Variants in SETX observed in about 807,000 individuals in gnomAD.
SETX encodes the protein senataxin, also known as helicase senataxin.
A neutral mutation model predicts 227.2 loss-of-function variants in SETX; 90 were observed. That is an observed-to-expected ratio of 0.40 (90% CI 0.33 to 0.47). The LOEUF is 0.47. SETX is among the 20% of genes least tolerant of loss of function. The probability of loss-of-function intolerance (pLI) is 0.91; values close to 1 mark genes in which losing one functional copy is unlikely to be tolerated. For synonymous variants in SETX, 1,210 were observed against 1,113.2 expected (o/e 1.09, Z -1.73); for missense variants, 3,052 against 3,181.5 (o/e 0.96, Z 0.98).
chr9:132,353,531 C>A (rs1175431034), intron 2 of SETX, 118 bp downstream of exon 2: 1 of 152,072 alleles, frequency 6.6e-6, no homozygotes, highest in East Asian at 1.9e-4. Flanking sequence ...CCGACCCGTC[C>A]TCTCTTCCAG....
intron 25 of SETX, among the ~76,000 whole-genome samples, chr9:132,265,514 G>A (rs1276010548): frequency 1.3e-5 from 2 of 152,084 alleles, no homozygotes; most frequent in African/African-American, 2.4e-5. Context: ...AGGAGCCACC[G>A]TGCCTGGCCG....
intron 13 of SETX, 73 bp from the exon 14 acceptor site, chr9:132,297,127 A>G: frequency 1.5e-6 from 2 of 1,317,346 alleles, no homozygotes; most frequent in East Asian, 2.5e-5. Flanking sequence ...AACATGAAAA[A>G]GACCTGTCCA....
At chr9:132,271,638 G>T in intron 24 of SETX, 72 bp downstream of exon 24, 1 of 1,229,798 alleles carries the variant, frequency 8.1e-7, no homozygotes, top group South Asian at 1.2e-5. Flanking sequence ...CAGTGATAAT[G>T]AACCTAATCC....
At chr9:132,342,246 G>A (rs776675094) in intron 5 of SETX, among the ~76,000 whole-genome samples, 15 of 152,104 alleles carry the variant, frequency 9.9e-5, no homozygotes, top group Non-Finnish European at 1.9e-4. Flanking sequence ...CCTGCTCACT[G>A]TTCTGGATTT....
chr9:132,319,828 C>A (rs369448925), intron 10 of SETX, among the ~76,000 whole-genome samples: 107 of 152,296 alleles, frequency 7.0e-4, no homozygotes, highest in African/African-American at 2.5e-3. Flanking sequence ...CCCTACTGGG[C>A]ACTGAGAATC....
At chr9:132,307,251 C>T (rs1457872898) in intron 11 of SETX, among the ~76,000 whole-genome samples, 4 of 151,650 alleles carry the variant, frequency 2.6e-5, no homozygotes, top group East Asian at 3.9e-4. Flanking sequence ...AAGACTCTGT[C>T]TCAAAAAAAT....
chr9:132,347,822 T>TA (rs1014412623), intron 3 of SETX, among the ~76,000 whole-genome samples: 3 of 152,152 alleles, frequency 2.0e-5, no homozygotes, highest in Non-Finnish European at 4.4e-5. Context: ...TAGAAAACTT[T>TA]ATAAAGTGCA....
chr9:132,350,317 T>G (rs759459893), intron 2 of SETX, among the ~76,000 whole-genome samples: 7 of 152,024 alleles, frequency 4.6e-5, no homozygotes, highest in Non-Finnish European at 1.0e-4. Context: ...GCCACTGCAC[T>G]CCAGCCTGGG....
At chr9:132,333,544 A>C (rs1432438735) in intron 7 of SETX, among the ~76,000 whole-genome samples, 1 of 151,834 alleles carries the variant, frequency 6.6e-6, no homozygotes, top group African/African-American at 2.4e-5. Flanking sequence ...AGTTGCATGA[A>C]GAGAATGAGG....
rs565155387 is a variant in SETX at position 132,266,090 on chromosome 9, T to C, written c.7288-1105A>G. On this transcript the variant is annotated intron_variant, in intron 25 of 25. Coordinates refer to ENST00000224140, the MANE Select transcript of SETX (RefSeq NM_015046.7). The stretch of plus-strand genomic sequence containing the variant: ...ACAACCACTAGAATTCGGGTCTCTT[T>C]AGAAAGAAGAAAGAAAAGAAGAAAA... The C allele has an allele frequency of 3.3e-5, 5 of 152,340 alleles. No individual in the cohort carries two copies. In the East Asian group the frequency reaches 9.6e-4, roughly 29 times the overall value. 9.4% of individuals were successfully genotyped at this position (152,340 alleles called of 1,614,324 possible).
chr9:132,287,791 T>C (rs1234314213), intron 17 of SETX, among the ~76,000 whole-genome samples: 1 of 132,448 alleles, frequency 7.6e-6, no homozygotes, highest in African/African-American at 3.0e-5. Flanking sequence ...CAGAAAGAAA[T>C]GTGTTAATCT....
chr9:132,271,686 A>G (rs779020712), intron 24 of SETX, 24 bp downstream of exon 24: 26 of 1,569,608 alleles, frequency 1.7e-5, no homozygotes, highest in Non-Finnish European at 2.0e-5. Context: ...CAAGTATAAA[A>G]GAGCAACAAT....
chr9:132,296,925 T>C lies in SETX; in HGVS notation c.5911A>G (p.Lys1971Glu), dbSNP rs775613908. 13 of 1,614,058 alleles carry C rather than the reference T, an allele frequency of 8.1e-6. No homozygotes were observed. Among genetic ancestry groups the C allele is most frequent in the Non-Finnish European group, 1.1e-5 (13 of 1,180,036 alleles). The stretch of plus-strand genomic sequence containing the variant: ...CGATAGAGGAGGCCAACAATAGTTT[T>C]TGATTTTCCTGTTCCAGGTGGTCCA... ...IHGPPGTGKS[K>E]TIVGLLYRLL... Residue 1971 changes from lysine to glutamate, a missense_variant, in exon 14 of 26, where the codon AAA becomes GAA. Coordinates refer to ENST00000224140, the MANE Select transcript of SETX (RefSeq NM_015046.7).
Position 132,298,089 on chromosome 9 carries a change from A to T in SETX, c.5772T>A (p.Ser1924=). The T allele has an allele frequency of 6.2e-7, 1 of 1,610,256 alleles. No homozygotes were observed. The highest frequency in any genetic ancestry group is 1.7e-5 in the Admixed American group (1 of 60,002). ...ATACATCATCACTCACAATTCTCTC[A>T]GATGTTGTAGTCAGTAAATCTTTTG... ...FCTKDLLTTT[S]ERIIAYLRDF... Residue 1924 remains serine, a synonymous_variant, in exon 13 of 26, where the codon TCT becomes TCA. Transcript: ENST00000224140.
At chr9:132,351,911 C>G (rs1297981509) in intron 2 of SETX, among the ~76,000 whole-genome samples, 1 of 152,134 alleles carries the variant, frequency 6.6e-6, no homozygotes, top group East Asian at 1.9e-4. Flanking sequence ...TCTGAGCACC[C>G]ACCAAAAAGA....
chr9:132,326,655 G>A lies in SETX; in HGVS notation c.4943C>T (p.Pro1648Leu). 1 of 1,614,180 alleles carries A rather than the reference G, an allele frequency of 6.2e-7. No homozygotes were observed. The highest frequency in any genetic ancestry group is 8.5e-7 in the Non-Finnish European group (1 of 1,180,020). ...GCACGAATTCTTCATTTCACCAACTGGCTTCTGAGCTATGAGGGGAACTGG... is the reference window on the plus strand; with the variant it reads ...GCACGAATTCTTCATTTCACCAACTAGCTTCTGAGCTATGAGGGGAACTGG... ...PQPVPLIAQKPVGEMKNSCNV... is the reference protein window; with the variant it reads ...PQPVPLIAQKLVGEMKNSCNV... Residue 1648 changes from proline to leucine, a missense_variant, in exon 10 of 26, where the codon CCA becomes CTA. Transcript: ENST00000224140.
At position 132,262,705 on chromosome 9, in the gene SETX, C is replaced by T. The variant is rs886063548; in HGVS notation, c.*1534G>A. On this transcript the variant is annotated 3_prime_UTR_variant, in exon 26 of 26. Transcript: ENST00000224140. ...AATCAAATGCTCAAACTTTTGGCAA[C>T]CGAAAGTTGTTTTTTAAAGCTCTTT... is the stretch of plus-strand genomic sequence containing the variant. The T allele has an allele frequency of 3.3e-5, 5 of 152,576 alleles. No individual in the cohort carries two copies. Among genetic ancestry groups the T allele is most frequent in the Admixed American group, 6.5e-5 (1 of 15,272 alleles). 9.5% of individuals were successfully genotyped at this position (152,576 alleles called of 1,614,324 possible).
intron 5 of SETX, among the ~76,000 whole-genome samples, chr9:132,340,466 T>C (rs528316260): frequency 6.6e-6 from 1 of 152,368 alleles, no homozygotes; most frequent in South Asian, 2.1e-4. Flanking sequence ...AGGCGGTGCC[T>C]ATGGAAGGCC....
Position 132,327,177 on chromosome 9 carries a change from T to C in SETX, c.4421A>G (p.His1474Arg). 1 of 1,614,228 alleles carries C rather than the reference T, an allele frequency of 6.2e-7. No homozygotes were observed. The highest frequency in any genetic ancestry group is 8.5e-7 in the Non-Finnish European group (1 of 1,180,040). The stretch of plus-strand genomic sequence containing the variant: ...TTCTTTCAAAGCTGCCATCTCTATA[T>C]GACGTGCTGTTGGATCACCTCCACC... ...PLGGGDPTAR[H>R]IEMAALKEGE... Residue 1474 changes from histidine (H) to arginine (R), a missense_variant, in exon 10 of 26, where the codon CAT becomes CGT. By Grantham distance (29) the His-to-Arg change is conservative (BLOSUM62 0). Coordinates refer to ENST00000224140, the MANE Select transcript of SETX (RefSeq NM_015046.7).
Sources: allele counts gnomAD v4.1 joint callset (sites outside exome capture counted in the v4.1 genomes callset), GRCh38; gene constraint gnomAD v4.1.1; transcripts MANE v1.5; gene names NCBI Gene and HGNC (gene_info 2026-07-23, HGNC 2026-07-21).